The following UBE2QL1 variants were observed in gnomAD, a reference collection of about 807,000 sequenced individuals.
UBE2QL1 encodes ubiquitin conjugating enzyme E2 QL1, also known as ubiquitin-conjugating enzyme E2Q-like protein 1.
A neutral mutation model predicts 12.6 loss-of-function variants in UBE2QL1; 5 were observed. That is an observed-to-expected ratio of 0.40 (90% CI 0.21 to 0.83). UBE2QL1 has a LOEUF of 0.83. UBE2QL1 is among the 40% of genes least tolerant of loss of function. The probability of loss-of-function intolerance (pLI) is 0.37; values close to 1 mark genes in which losing one functional copy is unlikely to be tolerated. For missense variants in UBE2QL1, 99 were observed against 222.6 expected (o/e 0.44, Z 3.53); for synonymous variants, 96 against 94.5 (o/e 1.02, Z -0.10).
In UBE2QL1 at chr5:6,493,305, A is replaced by C. The variant is rs559967923; in HGVS notation, c.*1956A>C. 5 of 152,378 alleles carry C rather than the reference A, an allele frequency of 3.3e-5. No individual in the cohort carries two copies. The highest frequency in any genetic ancestry group is 1.2e-4 in the African/African-American group (5 of 41,590). 9.4% of individuals were successfully genotyped at this position (152,378 alleles called of 1,614,324 possible). On this transcript the variant is annotated 3_prime_UTR_variant, in exon 2 of 2. Transcript: ENST00000399816. ...GTGGAGATGAAAGACCTAGGACAGA[A>C]ACATCTTGCTAGGGAAAGCACCTGA...
chr5:6,482,574 A>G (rs1297446589), intron 1 of UBE2QL1, among the ~76,000 whole-genome samples: 1 of 150,012 alleles, frequency 6.7e-6, no homozygotes, highest in Admixed American at 6.6e-5. Flanking sequence ...CCCCTCCTGC[A>G]CTCCCACAGT....
Position 6,468,149 on chromosome 5 carries a change from C to T in UBE2QL1, c.354+18902C>T, listed in dbSNP as rs141521017. On this transcript the variant is annotated intron_variant, in intron 1 of 1. Coordinates refer to ENST00000399816, the MANE Select transcript of UBE2QL1 (RefSeq NM_001145161.3). ...CCCCGTCCCTGTTCTCATGCTGCTC[C>T]TCTGCATGTGTCCAAGGTTAACAGT... Among the ~76,000 whole-genome samples, 34 of 152,326 alleles carry T rather than the reference C, an allele frequency of 2.2e-4. No homozygotes were observed. The East Asian group carries it at 6.2e-3, about 28-fold the overall frequency.
At chr5:6,461,288 G>T (rs1739652143) in intron 1 of UBE2QL1, among the ~76,000 whole-genome samples, 1 of 152,076 alleles carries the variant, frequency 6.6e-6, no homozygotes, top group Non-Finnish European at 1.5e-5. Flanking sequence ...TCTAGGGTGA[G>T]GCTTTCTGCA....
chr5:6,491,073 G>T, intron 1 of UBE2QL1, 145 bp from the exon 2 acceptor site: 2 of 900,518 alleles, frequency 2.2e-6, no homozygotes, highest in Non-Finnish European at 3.3e-6. Flanking sequence ...GGGCAGTGAG[G>T]CTGCCCCCAC....
chr5:6,471,883 G>A (rs1022851136), intron 1 of UBE2QL1, among the ~76,000 whole-genome samples: 6 of 152,140 alleles, frequency 3.9e-5, no homozygotes, highest in African/African-American at 1.4e-4. Context: ...TGGCATACAC[G>A]TTCATGTAAA....
chr5:6,483,355 C>T (rs1226061727), intron 1 of UBE2QL1, among the ~76,000 whole-genome samples: 2 of 152,106 alleles, frequency 1.3e-5, no homozygotes, highest in Admixed American at 1.3e-4. Context: ...AGGAGAATCA[C>T]TTGGACCTGG....
chr5:6,452,205 T>C (rs1380829025), intron 1 of UBE2QL1, among the ~76,000 whole-genome samples: 1 of 152,224 alleles, frequency 6.6e-6, no homozygotes, highest in Non-Finnish European at 1.5e-5. Context: ...TTAACAGTTT[T>C]GTGTACAATA....
chr5:6,488,725 A>G (rs1734511630), intron 1 of UBE2QL1, among the ~76,000 whole-genome samples: 1 of 152,074 alleles, frequency 6.6e-6, no homozygotes, highest in Admixed American at 6.6e-5. Flanking sequence ...TCTTGAGCCC[A>G]GGAGATCAAG....
intron 1 of UBE2QL1, among the ~76,000 whole-genome samples, chr5:6,475,770 C>T (rs1734215420): frequency 6.6e-6 from 1 of 152,066 alleles, no homozygotes; most frequent in East Asian, 2.0e-4. Flanking sequence ...GCCTTGAAGC[C>T]GAAGCTCTGC....
In UBE2QL1 at chr5:6,481,124, G is replaced by T. The variant is rs1054616171; in HGVS notation, c.355-10094G>T. On this transcript the variant is annotated intron_variant, in intron 1 of 1. Coordinates refer to ENST00000399816, the MANE Select transcript of UBE2QL1 (RefSeq NM_001145161.3). This position sits in a 1 kb window ranked among gnomAD's most constrained non-coding sequence, Gnocchi z 4.5. ...TGTTTTTCAAGAGTTGGCCCGGAGC[G>T]TGCTTCTCGGGCCATTTCACCTGTG... Among the ~76,000 whole-genome samples the T allele has an allele frequency of 2.0e-5, 3 of 152,104 alleles. No homozygotes were observed. Among genetic ancestry groups the T allele is most frequent in the African/African-American group, 7.2e-5 (3 of 41,410 alleles).
chr5:6,456,196 T>C (rs1384954570), intron 1 of UBE2QL1, among the ~76,000 whole-genome samples: 1 of 152,200 alleles, frequency 6.6e-6, no homozygotes, highest in Non-Finnish European at 1.5e-5. Context: ...TCACATTTGC[T>C]TTTGACCTGC....
intron 1 of UBE2QL1, among the ~76,000 whole-genome samples, chr5:6,455,822 C>A (rs1425763869): frequency 6.6e-6 from 1 of 152,114 alleles, no homozygotes; most frequent in African/African-American, 2.4e-5. Flanking sequence ...CCCAACCTCC[C>A]CACCCCACCT....
At chr5:6,451,700 C>T (rs190301568) in intron 1 of UBE2QL1, among the ~76,000 whole-genome samples, 36 of 152,230 alleles carry the variant, frequency 2.4e-4, no homozygotes, top group African/African-American at 8.2e-4. Context: ...ATTCAAAATG[C>T]AATGAAAGAA....
At chr5:6,466,802 G>A (rs116000854) in intron 1 of UBE2QL1, among the ~76,000 whole-genome samples, 253 of 152,312 alleles carry the variant, frequency 1.7e-3, no homozygotes, top group African/African-American at 5.8e-3. Flanking sequence ...TGAATTTATT[G>A]GTCAGAGTGT....
At chr5:6,451,538 C>G (rs903863645) in intron 1 of UBE2QL1, among the ~76,000 whole-genome samples, 1 of 152,330 alleles carries the variant, frequency 6.6e-6, no homozygotes, top group Admixed American at 6.5e-5. Context: ...TGCCCTCCAC[C>G]TAGCATGTCA....
At chr5:6,489,521 G>A (rs1734525934) in intron 1 of UBE2QL1, among the ~76,000 whole-genome samples, 1 of 152,232 alleles carries the variant, frequency 6.6e-6, no homozygotes, top group African/African-American at 2.4e-5. Context: ...GATATCCAGA[G>A]CAGGCAGAGT....
At chr5:6,484,317 G>A (rs1432031525) in intron 1 of UBE2QL1, among the ~76,000 whole-genome samples, 1 of 152,192 alleles carries the variant, frequency 6.6e-6, no homozygotes, top group East Asian at 1.9e-4. Context: ...CTGTGTGGCT[G>A]CCTCCAGCCC....
Position 6,461,546 on chromosome 5 carries a change from C to G in UBE2QL1, c.354+12299C>G, listed in dbSNP as rs1017512564. 8.9e-5 allele frequency among the ~76,000 whole-genome samples: 10 copies of G among 112,650 alleles called. 2 individuals are homozygous for G. In the Middle Eastern group the frequency reaches 0.014, roughly 154 times the overall value. 73.9% of individuals were successfully genotyped at this position (112,650 alleles called of 152,430 possible). ...CCAGTGTTTTTCAGCACCCACCACC[C>G]CCCCCCGCCGGCATATCATTCTAGG... is the stretch of plus-strand genomic sequence containing the variant. On this transcript the variant is annotated intron_variant, in intron 1 of 1. Transcript: ENST00000399816.
chr5:6,463,163 A>G (rs1164976294), intron 1 of UBE2QL1, among the ~76,000 whole-genome samples: 2 of 152,216 alleles, frequency 1.3e-5, no homozygotes, highest in Non-Finnish European at 2.9e-5. Context: ...ATTCCTTTAA[A>G]TTAGTAAGTC....
Sources: gnomAD v4.1 joint callset for allele counts (sites outside exome capture counted in the v4.1 genomes callset) on GRCh38, gnomAD v4.1.1 for gene constraint, Gnocchi (gnomAD v3.1) non-coding constraint, MANE v1.5 for transcripts, NCBI Gene and HGNC (gene_info 2026-07-23, HGNC 2026-07-21) for gene names.